KCNT2: variants seen among roughly 807,000 people sequenced by gnomAD.
KCNT2 encodes potassium sodium-activated channel subfamily T member 2.
A neutral mutation model predicts 153.8 loss-of-function variants in KCNT2; 67 were observed. That is an observed-to-expected ratio of 0.44 (90% confidence interval 0.36 to 0.53). KCNT2 has a LOEUF of 0.53. KCNT2 is among the 20% of genes least tolerant of loss of function. The pLI is 0.00. For missense variants in KCNT2, 975 were observed against 1,354.8 expected (o/e 0.72, Z 4.40); for synonymous variants, 500 against 458.8 (o/e 1.09, Z -1.15).
At chr1:196,284,248 A>AAAAAAAAAAAATATATATATATATAT in intron 23 of KCNT2, among the ~76,000 whole-genome samples, 1 of 10,048 alleles carries the variant, frequency 1.0e-4, no homozygotes. Flanking sequence ...AAAAAAAAAA[A>AAAAAAAAAAAATATATATATATATAT]ATATATATAT....
At chr1:196,536,861 A>T (rs1223344268) in intron 1 of KCNT2, among the ~76,000 whole-genome samples, 1 of 152,152 alleles carries the variant, frequency 6.6e-6, no homozygotes, top group African/African-American at 2.4e-5. Context: ...CTATTGAGTA[A>T]TTCATTGCAT....
At chr1:196,435,674 A>G (rs182659217) in intron 8 of KCNT2, among the ~76,000 whole-genome samples, 3 of 151,860 alleles carry the variant, frequency 2.0e-5, no homozygotes, top group Admixed American at 6.6e-5. Context: ...TGCATGCTCT[A>G]ATACAAAGTT....
intron 14 of KCNT2, among the ~76,000 whole-genome samples, chr1:196,355,465 A>G (rs1300135276): frequency 6.6e-6 from 1 of 151,784 alleles, no homozygotes; most frequent in Non-Finnish European, 1.5e-5. Flanking sequence ...GGAAAATGCT[A>G]AATAGTTTTC....
chr1:196,435,133 GTGTATGTATATATATATATATA>G (rs1278009424), intron 8 of KCNT2, among the ~76,000 whole-genome samples: 10 of 87,876 alleles, frequency 1.1e-4, no homozygotes, highest in African/African-American at 3.3e-4. Flanking sequence ...ATGTGTGTGT[GTGTATGTATATATATATATATA>G]TATATATATA....
At chr1:196,568,790 T>C (rs1461755218) in intron 1 of KCNT2, among the ~76,000 whole-genome samples, 1 of 151,690 alleles carries the variant, frequency 6.6e-6, no homozygotes, top group Non-Finnish European at 1.5e-5. Context: ...CTTTTTTTTT[T>C]TTTCTCTCCA....
chr1:196,396,507 G>C (rs927600428), intron 13 of KCNT2, among the ~76,000 whole-genome samples: 1 of 151,542 alleles, frequency 6.6e-6, no homozygotes, highest in Admixed American at 6.6e-5. Context: ...GAAAGGAAAA[G>C]TCCATAATTT....
intron 1 of KCNT2, among the ~76,000 whole-genome samples, chr1:196,569,107 T>C (rs1052223828): frequency 7.9e-5 from 12 of 152,148 alleles, no homozygotes; most frequent in Non-Finnish European, 1.2e-4. Context: ...TTTCTCCTAC[T>C]TTTTCTAAGA....
At chr1:196,243,883 T>A (rs1655180084) in intron 26 of KCNT2, among the ~76,000 whole-genome samples, 1 of 151,964 alleles carries the variant, frequency 6.6e-6, no homozygotes, top group Non-Finnish European at 1.5e-5. Context: ...GGAGTGCTTG[T>A]GCCACCCCTC....
intron 1 of KCNT2, among the ~76,000 whole-genome samples, chr1:196,493,853 A>G (rs1038547457): frequency 6.6e-6 from 1 of 151,436 alleles, no homozygotes; most frequent in African/African-American, 2.4e-5. Flanking sequence ...CCTCGTTATC[A>G]TATTCTGACT....
chr1:196,319,153 G>T (rs1483493877), intron 20 of KCNT2, among the ~76,000 whole-genome samples: 1 of 151,680 alleles, frequency 6.6e-6, no homozygotes, highest in East Asian at 1.9e-4. Flanking sequence ...CGCTATCAAT[G>T]CATCACAATA....
intron 8 of KCNT2, among the ~76,000 whole-genome samples, chr1:196,446,058 T>C (rs549443015): frequency 2.6e-5 from 4 of 151,580 alleles, no homozygotes; most frequent in Non-Finnish European, 4.4e-5. Flanking sequence ...GACATTGCTC[T>C]TATGACTTTA....
intron 26 of KCNT2, chr1:196,257,782 A>G (rs1165607804): frequency 1.0e-6 from 1 of 984,210 alleles, no homozygotes; most frequent in Non-Finnish European, 1.2e-6. Flanking sequence ...TTATAAGAAC[A>G]TTTTGGTTTA....
At chr1:196,249,511 G>T (rs929423967) in intron 26 of KCNT2, among the ~76,000 whole-genome samples, 1 of 152,154 alleles carries the variant, frequency 6.6e-6, no homozygotes, top group Non-Finnish European at 1.5e-5. Context: ...GGTGGCTCAT[G>T]CCTGTAATCC....
chr1:196,292,542 C>G (rs914695952), intron 22 of KCNT2, among the ~76,000 whole-genome samples: 1 of 152,128 alleles, frequency 6.6e-6, no homozygotes, highest in African/African-American at 2.4e-5. Flanking sequence ...CGCAGTGGCT[C>G]ACGCCTGTAA....
At chr1:196,598,188 A>G (rs903316402) in intron 1 of KCNT2, among the ~76,000 whole-genome samples, 40 of 152,076 alleles carry the variant, frequency 2.6e-4, no homozygotes, top group African/African-American at 3.9e-4. Context: ...ATCTTACATG[A>G]TGTCTTTTTG....
intron 1 of KCNT2, among the ~76,000 whole-genome samples, chr1:196,536,139 T>C (rs56043953): frequency 5.4e-4 from 83 of 152,342 alleles, no homozygotes; most frequent in Admixed American, 8.5e-4. Context: ...GGCTGCTTTA[T>C]ACATTAAGTC....
At chr1:196,292,884 A>G (rs1191695452) in intron 22 of KCNT2, among the ~76,000 whole-genome samples, 2 of 151,574 alleles carry the variant, frequency 1.3e-5, no homozygotes, top group Admixed American at 6.6e-5. Flanking sequence ...CTTACAGTAT[A>G]TTGAAACCTT....
At chr1:196,455,045 C>T (rs1190851747) in intron 8 of KCNT2, among the ~76,000 whole-genome samples, 2 of 151,976 alleles carry the variant, frequency 1.3e-5, no homozygotes, top group Non-Finnish European at 2.9e-5. Flanking sequence ...CTTGCATTCC[C>T]TGGCATGTGG....
In KCNT2 at chr1:196,479,955, T is replaced by C. The variant is rs574266198; in HGVS notation, c.325-717A>G. Reference sequence around the variant, plus strand: ...ACCATACCACCACTTCAAAATACTTTCAGATTTTATTTGAATGAATTTCAT... The same window carrying C: ...ACCATACCACCACTTCAAAATACTTCCAGATTTTATTTGAATGAATTTCAT... On this transcript the variant is annotated intron_variant, in intron 4 of 27. Transcript: ENST00000294725. Among the ~76,000 whole-genome samples the C allele has an allele frequency of 5.9e-5, 9 of 152,350 alleles. No homozygotes were observed. In the South Asian group the frequency reaches 1.9e-3, roughly 32 times the overall value.
Sources: allele counts gnomAD v4.1 joint callset (sites outside exome capture counted in the v4.1 genomes callset), GRCh38; gene constraint gnomAD v4.1.1; transcripts MANE v1.5; gene names NCBI Gene and HGNC (gene_info 2026-07-23, HGNC 2026-07-21).